Variants in TTBK2 observed in about 807,000 individuals in gnomAD.
TTBK2 encodes the protein tau-tubulin kinase 2.
In TTBK2, 28 loss-of-function variants were observed where a neutral mutation model predicts 110.8. That is an observed-to-expected ratio of 0.25 (90% CI 0.19 to 0.35). The LOEUF is 0.35. Ranked by LOEUF, TTBK2 falls within the 10% of genes least tolerant of loss-of-function variation. TTBK2 has a pLI of 1.00. For synonymous variants in TTBK2, 532 were observed against 527.3 expected (o/e 1.01, Z -0.12); for missense variants, 1,369 against 1,500.3 (o/e 0.91, Z 1.45).
intron 1 of TTBK2, among the ~76,000 whole-genome samples, chr15:42,884,511 C>A (rs1197177807): frequency 6.6e-6 from 1 of 152,068 alleles, no homozygotes; most frequent in Non-Finnish European, 1.5e-5. Context: ...ATAACAAGCC[C>A]CTTTCAACCA....
At chr15:42,871,625 G>A (rs1440159495) in intron 3 of TTBK2, 1 of 982,900 alleles carries the variant, frequency 1.0e-6, no homozygotes, top group South Asian at 4.7e-5. Flanking sequence ...CCACTGAGTT[G>A]AGAACAACAA....
chr15:42,829,676 G>A (rs1466009044), intron 5 of TTBK2, among the ~76,000 whole-genome samples: 2 of 152,060 alleles, frequency 1.3e-5, no homozygotes, highest in East Asian at 1.9e-4. Context: ...CTGGGACTAT[G>A]GGCATGTGCC....
At chr15:42,748,877 T>C (rs769917142) in intron 14 of TTBK2, among the ~76,000 whole-genome samples, 1 of 152,210 alleles carries the variant, frequency 6.6e-6, no homozygotes, top group African/African-American at 2.4e-5. Context: ...GTATATACCA[T>C]CAGACCTAGG....
chr15:42,857,615 G>A (rs1893994436), intron 3 of TTBK2: 1 of 151,960 alleles, frequency 6.6e-6, no homozygotes, highest in Non-Finnish European at 1.5e-5. Context: ...TCTTAAAACT[G>A]GTCACCTGAG....
At chr15:42,800,362 C>G (rs979310849) in intron 9 of TTBK2, 3 of 402,276 alleles carry the variant, frequency 7.5e-6, no homozygotes, top group African/African-American at 4.3e-5. Flanking sequence ...AGTCATCTGA[C>G]ATACACACAA....
chr15:42,828,365 T>C (rs1201339652), intron 5 of TTBK2, among the ~76,000 whole-genome samples: 1 of 145,954 alleles, frequency 6.9e-6, no homozygotes, highest in African/African-American at 2.5e-5. Context: ...CTTTTTAAAA[T>C]AGGAGAAATC....
chr15:42,802,016 G>A (rs746739370), intron 9 of TTBK2: 45 of 1,495,508 alleles, frequency 3.0e-5, no homozygotes, highest in Non-Finnish European at 4.0e-5. Context: ...ATGTTGCTCC[G>A]AGCCATCTTC....
At chr15:42,832,895 T>A (rs945255856) in intron 4 of TTBK2, among the ~76,000 whole-genome samples, 1 of 152,122 alleles carries the variant, frequency 6.6e-6, no homozygotes, top group Admixed American at 6.6e-5. Context: ...TCTCCTCAGA[T>A]AAGGGGGTAC....
intron 3 of TTBK2, among the ~76,000 whole-genome samples, chr15:42,866,147 A>G (rs1233472391): frequency 6.6e-6 from 1 of 152,064 alleles, no homozygotes; most frequent in Non-Finnish European, 1.5e-5. Flanking sequence ...AGTATAAAGA[A>G]GGGCATCATA....
chr15:42,909,876 A>G (rs117021767), intron 1 of TTBK2, among the ~76,000 whole-genome samples: 1 of 152,216 alleles, frequency 6.6e-6, no homozygotes, highest in African/African-American at 2.4e-5. Flanking sequence ...TAAAGAAAGC[A>G]GGTGAAAGCC....
At chr15:42,772,294 G>A (rs1461423403) in intron 13 of TTBK2, among the ~76,000 whole-genome samples, 2 of 152,074 alleles carry the variant, frequency 1.3e-5, no homozygotes, top group Admixed American at 1.3e-4. Context: ...CAGCTATGGA[G>A]AGGCCCAAAT....
chr15:42,862,471 T>C (rs1211994731), intron 3 of TTBK2, among the ~76,000 whole-genome samples: 2 of 151,944 alleles, frequency 1.3e-5, no homozygotes, highest in Non-Finnish European at 2.9e-5. Flanking sequence ...ATAAACAGAA[T>C]TAAAAACAAA....
At chr15:42,911,390 C>A (rs1268950230) in intron 1 of TTBK2, among the ~76,000 whole-genome samples, 1 of 152,102 alleles carries the variant, frequency 6.6e-6, no homozygotes, top group East Asian at 1.9e-4. Context: ...TTGCTTGAGC[C>A]CAGTAGTTTA....
In TTBK2 at chr15:42,775,135, C is replaced by T. The variant is rs143413577; in HGVS notation, c.1998G>A (p.Ala666=). ...ATAATAATAAAAACAAATTTCTTAC[C>T]GCTGTAAGGGGTCCTTCTGCCTGCG... The part of the protein sequence containing the change: ...MEAQAEGPLT[A]ITIPRPSVAS... Residue 666 remains alanine (A), a splice_region_variant and synonymous_variant, in exon 13 of 15, where the codon GCG becomes GCA. Transcript: ENST00000267890. 83 of 1,612,754 alleles carry T rather than the reference C, an allele frequency of 5.1e-5. No homozygotes were observed. Among genetic ancestry groups the T allele is most frequent in the Non-Finnish European group, 6.9e-5 (81 of 1,179,884 alleles).
chr15:42,872,097 C>T (rs535952427), intron 3 of TTBK2, among the ~76,000 whole-genome samples: 104 of 152,194 alleles, frequency 6.8e-4, no homozygotes, highest in African/African-American at 2.4e-3. Context: ...AGTAGTAAAA[C>T]GGACTTCAAA....
rs577577749 is a variant in TTBK2 at position 42,775,635 on chromosome 15, G to A, written c.1498C>T (p.Arg500Cys). The A allele has an allele frequency of 3.7e-5, 59 of 1,613,510 alleles. No homozygotes were observed. The highest frequency in any genetic ancestry group is 7.7e-5 in the South Asian group (7 of 91,006). Residue 500 changes from arginine (R) to cysteine (C), a missense_variant, in exon 13 of 15, where the codon CGT (arginine) becomes TGT (cysteine). Arg to Cys is a radical substitution (Grantham distance 180). Transcript: ENST00000267890. ...LHKPCVPAVS[R>C]TDHIWHYDEE... ...TCATAGTGCCAGATGTGGTCAGTAC[G>A]GGACACAGCAGGAACGCAAGGCTTA...
chr15:42,815,895 T>TAA (rs1891927499), intron 7 of TTBK2, among the ~76,000 whole-genome samples: 2 of 73,144 alleles, frequency 2.7e-5, no homozygotes, highest in East Asian at 5.4e-4. Flanking sequence ...TATTTAAAAA[T>TAA]ATATATATAT....
chr15:42,895,838 T>A (rs1033150864), intron 1 of TTBK2, among the ~76,000 whole-genome samples: 3 of 151,538 alleles, frequency 2.0e-5, no homozygotes, highest in Admixed American at 6.6e-5. Flanking sequence ...CACCTGGCCA[T>A]CAAAAAGATT....
chr15:42,919,742 C>T (rs146742405), intron 1 of TTBK2: 147 of 971,692 alleles, frequency 1.5e-4, no homozygotes, highest in Non-Finnish European at 1.8e-4. Flanking sequence ...CAAAGTACAA[C>T]TCAATGTCAT....
Sources: gnomAD v4.1 joint callset for allele counts (sites outside exome capture counted in the v4.1 genomes callset) on GRCh38, gnomAD v4.1.1 for gene constraint, MANE v1.5 for transcripts, NCBI Gene and HGNC (gene_info 2026-07-23, HGNC 2026-07-21) for gene names.